The following NCR1 variants were observed in gnomAD, a reference collection of about 807,000 sequenced individuals.
The protein encoded by NCR1 is NK cell-activating receptor.
Under a neutral mutation model 32.5 loss-of-function variants are expected in NCR1, and 30 were observed. That is an observed-to-expected ratio of 0.92 (90% confidence interval 0.69 to 1.25). NCR1 has a LOEUF of 1.25. Among genes scored for constraint, NCR1 ranks in the 50% most tolerant of loss-of-function variants. The pLI is 0.00. For synonymous variants in NCR1, 169 were observed against 143.4 expected, an observed-to-expected ratio of 1.18 and a Z score of -1.28; for missense variants, 369 against 380.7, an observed-to-expected ratio of 0.97 and a Z score of 0.26.
chr19:54,915,741 C>G (rs1226463151), downstream of NCR1: 1 of 150,716 alleles, frequency 6.6e-6, no homozygotes, highest in African/African-American at 2.4e-5. Flanking sequence ...ACTCAGAAGG[C>G]TGAGGCAGGA....
chr19:54,929,372 A>C, the NCR1 span, among the ~76,000 whole-genome samples: 1 of 149,766 alleles, frequency 6.7e-6, no homozygotes, highest in East Asian at 2.0e-4. Flanking sequence ...CTGAAAAAAG[A>C]AAAAAAGTAC....
chr19:54,909,370 T>A lies in NCR1; in HGVS notation c.481T>A (p.Ser161Thr), dbSNP rs748883373. ...GTTCTTACTGCTCAAGGAGGGAAGA[T>A]CCAGCCACGTACAGCGCGGATACGG... ...SMFLLLKEGRSSHVQRGYGKV... is the reference protein window; with the variant it reads ...SMFLLLKEGRTSHVQRGYGKV... Residue 161 changes from serine (S) to threonine (T), a missense_variant, in exon 4 of 7, where the codon TCC becomes ACC. By Grantham distance (58) the Ser-to-Thr change is moderately conservative (BLOSUM62 1). Coordinates refer to ENST00000291890, the MANE Select transcript of NCR1 (RefSeq NM_004829.7). 3.1e-6 allele frequency: 5 copies of A among 1,613,936 alleles called. No individual in the cohort carries two copies. In the South Asian group the frequency reaches 5.5e-5, roughly 18 times the overall value.
intron 3 of NCR1, 131 bp from the exon 4 acceptor site, chr19:54,909,114 G>T: frequency 1.2e-6 from 1 of 861,844 alleles, no homozygotes; most frequent in Non-Finnish European, 1.7e-6. Context: ...AGGTTGCAGT[G>T]AGCCAAGATC....
chr19:54,904,655 C>A (rs1395300730), upstream of NCR1, among the ~76,000 whole-genome samples: 1 of 151,692 alleles, frequency 6.6e-6, no homozygotes, highest in Non-Finnish European at 1.5e-5. Flanking sequence ...GCCTCAGCCT[C>A]CCGAGTAGTT....
chr19:54,918,295 T>C (rs1675014198), downstream of NCR1, among the ~76,000 whole-genome samples: 1 of 151,762 alleles, frequency 6.6e-6, no homozygotes, highest in African/African-American at 2.4e-5. Context: ...AGACCAAGTC[T>C]CGCTCTGTTA....
upstream of NCR1, among the ~76,000 whole-genome samples, chr19:54,905,952 C>T (rs1012570298): frequency 6.6e-6 from 1 of 152,198 alleles, no homozygotes; most frequent in African/African-American, 2.4e-5. Context: ...TTGGGCTGAG[C>T]AGACAATTGT....
At chr19:54,914,443 A>G (rs761196685), downstream of NCR1, among the ~76,000 whole-genome samples, 8 of 151,994 alleles carry the variant, frequency 5.3e-5, no homozygotes, top group Non-Finnish European at 1.2e-4. Context: ...GGTTCAAATG[A>G]TTCTCCTGCC....
At chr19:54,901,147 G>A in the NCR1 span, among the ~76,000 whole-genome samples, 51 of 79,144 alleles carry the variant, frequency 6.4e-4, no homozygotes, top group South Asian at 8.2e-4. Flanking sequence ...AAGATTACCC[G>A]GACGTGGTGG....
upstream of NCR1, among the ~76,000 whole-genome samples, chr19:54,902,853 G>A (rs2067324778): frequency 6.6e-6 from 1 of 152,090 alleles, no homozygotes; most frequent in Non-Finnish European, 1.5e-5. Context: ...AGGCGGGCTG[G>A]GTGTGGTGGC....
At chr19:54,917,891 G>A (rs1034375509), downstream of NCR1, among the ~76,000 whole-genome samples, 2 of 152,124 alleles carry the variant, frequency 1.3e-5, no homozygotes, top group African/African-American at 2.4e-5. Context: ...GCAGGGTTAC[G>A]AGTCCACGGA....
chr19:54,912,118 G>T (rs939993296), intron 5 of NCR1, 50 bp from the exon 6 acceptor site: 7 of 1,493,228 alleles, frequency 4.7e-6, no homozygotes, highest in Non-Finnish European at 6.5e-6. Flanking sequence ...GGAGTGCTGG[G>T]GTGGAGGAGG....
chr19:54,935,545 C>T, the NCR1 span, among the ~76,000 whole-genome samples: 1 of 151,820 alleles, frequency 6.6e-6, no homozygotes, highest in Non-Finnish European at 1.5e-5. Flanking sequence ...AAAATACAAA[C>T]ATTTGCCAGG....
At chr19:54,917,328 A>AAAAAC (rs1338129641), downstream of NCR1, among the ~76,000 whole-genome samples, 1 of 151,128 alleles carries the variant, frequency 6.6e-6, no homozygotes, top group Non-Finnish European at 1.5e-5. Flanking sequence ...AAACAAAAAC[A>AAAAAC]AAAACAAAAA....
At chr19:54,919,000 G>T (rs1480553229), downstream of NCR1, among the ~76,000 whole-genome samples, 1 of 146,602 alleles carries the variant, frequency 6.8e-6, no homozygotes, top group Admixed American at 6.8e-5. Context: ...AAAAAAAAAA[G>T]TGAGAACATA....
the NCR1 span, among the ~76,000 whole-genome samples, chr19:54,935,342 C>G: frequency 6.6e-6 from 1 of 152,080 alleles, no homozygotes; most frequent in African/African-American, 2.4e-5. Flanking sequence ...ATCCTCCCAC[C>G]TCAGCATCCA....
At chr19:54,919,310 T>A (rs1378381192), downstream of NCR1, among the ~76,000 whole-genome samples, 7 of 150,662 alleles carry the variant, frequency 4.6e-5, no homozygotes, top group African/African-American at 7.3e-5. Context: ...GGCTGCGCTG[T>A]TATTTATTGG....
chr19:54,912,599 CAAAAAAAAAAAAAAAAAAAAAAAA>C lies in NCR1; in HGVS notation c.734-75_734-52del, dbSNP rs60025694. ...GGGCGACAAGACTGAGGCTCTGTCT[CAAAAAAAAAAAAAAAAAAAAAAAA>C]AAAAAAAAAAAAAAAGAGGGTGTCC... On this transcript the variant is annotated intron_variant, in intron 6 of 6. Transcript: ENST00000291890. 516 of 374,860 alleles carry C rather than the reference CAAAAAAAAAAAAAAAAAAAAAAAA, an allele frequency of 1.4e-3. 3 individuals carry two copies. The highest frequency in any genetic ancestry group is 1.6e-3 in the Non-Finnish European group (357 of 221,816). 23.2% of individuals were successfully genotyped at this position (374,860 alleles called of 1,614,324 possible).
At chr19:54,923,890 C>T in the NCR1 span, 14 of 1,609,738 alleles carry the variant, frequency 8.7e-6, no homozygotes, top group Non-Finnish European at 1.2e-5. Context: ...GATCAGAGAA[C>T]ACAAATGTTC....
chr19:54,925,999 T>G, the NCR1 span, among the ~76,000 whole-genome samples: 1 of 148,902 alleles, frequency 6.7e-6, no homozygotes, highest in South Asian at 2.1e-4. Context: ...GGAGTCTCTG[T>G]CTCAAAAAAA....
Sources: allele counts gnomAD v4.1 joint callset (sites outside exome capture counted in the v4.1 genomes callset), GRCh38; gene constraint gnomAD v4.1.1; transcripts MANE v1.5; gene names NCBI Gene and HGNC (gene_info 2026-07-23, HGNC 2026-07-21).